The following KIAA1217 variants were observed in gnomAD, a reference collection of about 807,000 sequenced individuals.
The protein encoded by KIAA1217 is KIAA1217, also known as sickle tail protein homolog.
A neutral mutation model predicts 163.9 loss-of-function variants in KIAA1217; 88 were observed. The observed-to-expected ratio is 0.54, with a 90% confidence interval of 0.45 to 0.64. KIAA1217 has a LOEUF of 0.64. KIAA1217 is among the 30% of genes least tolerant of loss of function. The probability of loss-of-function intolerance (pLI) is 0.00; values close to 1 mark genes in which losing one functional copy is unlikely to be tolerated. For missense variants in KIAA1217, 2,372 were observed against 2,475.0 expected, an observed-to-expected ratio of 0.96 and a Z score of 0.88; for synonymous variants, 903 against 923.1, an observed-to-expected ratio of 0.98 and a Z score of 0.39.
chr10:24,172,384 G>T (rs2065672855), intron 2 of KIAA1217, among the ~76,000 whole-genome samples: 1 of 152,186 alleles, frequency 6.6e-6, no homozygotes, highest in Non-Finnish European at 1.5e-5. Flanking sequence ...AAGGGAGAAA[G>T]CATCTCAGTA....
chr10:23,851,857 GTTGT>G (rs1302069085), intron 1 of KIAA1217, among the ~76,000 whole-genome samples: 1,673 of 151,466 alleles, frequency 0.011, 29 homozygotes, highest in African/African-American at 0.039. Context: ...TTTTGATGGG[GTTGT>G]TTGTTTTTTT....
intron 2 of KIAA1217, among the ~76,000 whole-genome samples, chr10:24,192,752 C>A (rs2066785629): frequency 6.6e-6 from 1 of 152,194 alleles, no homozygotes; most frequent in Admixed American, 6.5e-5. Flanking sequence ...TACAGCAAGA[C>A]CTTGGGAAGA....
intron 1 of KIAA1217, among the ~76,000 whole-genome samples, chr10:23,874,469 G>A (rs1840593910): frequency 6.6e-6 from 1 of 151,868 alleles, no homozygotes; most frequent in Non-Finnish European, 1.5e-5. Context: ...GTTTCTCACT[G>A]CTATAGCAAA....
intron 2 of KIAA1217, among the ~76,000 whole-genome samples, chr10:24,067,381 G>T (rs1243480276): frequency 2.0e-5 from 3 of 152,186 alleles, no homozygotes; most frequent in Non-Finnish European, 4.4e-5. Flanking sequence ...CTCAGCTGCA[G>T]GTCTGTTGGA....
At chr10:23,856,859 C>T (rs372906485) in intron 1 of KIAA1217, among the ~76,000 whole-genome samples, 19 of 152,296 alleles carry the variant, frequency 1.2e-4, no homozygotes, top group East Asian at 7.7e-4. Context: ...TTAAGCCCAT[C>T]GGAAAAGCGC....
intron 2 of KIAA1217, among the ~76,000 whole-genome samples, chr10:24,247,465 A>G (rs2073953703): frequency 6.6e-6 from 1 of 152,154 alleles, no homozygotes; most frequent in Admixed American, 6.5e-5. Flanking sequence ...TCCTATTTGT[A>G]TAAAAAGCCA....
chr10:24,208,972 C>T (rs2067733121), upstream of KIAA1217: 2 of 508,790 alleles, frequency 3.9e-6, no homozygotes, highest in Non-Finnish European at 3.5e-6. Context: ...GACCTAGGGA[C>T]GGAGGGCCAG....
At chr10:23,761,512 C>T (rs957758671) in intron 1 of KIAA1217, among the ~76,000 whole-genome samples, 11 of 152,020 alleles carry the variant, frequency 7.2e-5, no homozygotes, top group South Asian at 2.1e-4. Context: ...TTCATTATTA[C>T]GGGAGTCATT....
At chr10:23,850,410 A>C (rs1839252441) in intron 1 of KIAA1217, among the ~76,000 whole-genome samples, 1 of 152,122 alleles carries the variant, frequency 6.6e-6, no homozygotes, top group Non-Finnish European at 1.5e-5. Flanking sequence ...GAGAATTTCA[A>C]AGAATGCCAG....
In KIAA1217 at chr10:24,546,109, G is replaced by T. The variant is rs1274649267; in HGVS notation, c.5617G>T (p.Gly1873Cys). Residue 1873 changes from glycine to cysteine, a missense_variant, in exon 21 of 21, where the codon GGT (glycine) becomes TGT (cysteine). Physicochemically the swap from Gly to Cys is radical, Grantham distance 159. Around this residue, in one of 3 missense-constraint regions of KIAA1217, gnomAD observed 690 missense variants for 677.5 expected, o/e 1.02. Transcript: ENST00000376454. ...TCAGAGCCTCACTCATACAGGTAAAGGTCACCATCTTTCATTCTCACCGCA... is the reference window on the plus strand; with the variant it reads ...TCAGAGCCTCACTCATACAGGTAAATGTCACCATCTTTCATTCTCACCGCA... ...KFQSLTHTGK[G>C]HHLSFSPQSQ... The T allele has an allele frequency of 1.2e-6, 2 of 1,614,096 alleles. No individual in the cohort carries two copies. The highest frequency in any genetic ancestry group is 1.7e-6 in the Non-Finnish European group (2 of 1,180,026).
At chr10:24,186,889 A>G (rs935678545) in intron 2 of KIAA1217, among the ~76,000 whole-genome samples, 12 of 151,516 alleles carry the variant, frequency 7.9e-5, no homozygotes, top group Non-Finnish European at 1.6e-4. Context: ...GACTCCGTCT[A>G]AAAAAAACAA....
intron 1 of KIAA1217, among the ~76,000 whole-genome samples, chr10:23,745,206 T>A (rs1387508444): frequency 6.6e-6 from 1 of 152,330 alleles, no homozygotes; most frequent in East Asian, 1.9e-4. Context: ...CTTTTTTCCA[T>A]GTCGATGTAT....
chr10:24,433,132 A>G lies in KIAA1217; in HGVS notation c.691A>G (p.Ser231Gly). 2 of 1,614,164 alleles carry G rather than the reference A, an allele frequency of 1.2e-6. No individual in the cohort carries two copies. The highest frequency in any genetic ancestry group is 1.7e-6 in the Non-Finnish European group (2 of 1,180,016). The change falls in exon 4 of 21, where the codon AGT becomes GGT. Residue 231 changes from serine to glycine, a missense_variant. Coordinates refer to ENST00000376454, the MANE Select transcript of KIAA1217 (RefSeq NM_019590.5). ...CACCATGAAAATGCTGGAATCGCCC[A>G]GTGTCGCCATTTACATCAAAGATGA... Reference protein sequence around the residue: ...QLTMKMLESPSVAIYIKDESR... With the variant: ...QLTMKMLESPGVAIYIKDESR...
At position 24,048,744 on chromosome 10, in the gene KIAA1217, AT is replaced by A. The variant is rs200946201; in HGVS notation, c.-171+41371del. Among the ~76,000 whole-genome samples, 902 of 125,484 alleles carry A rather than the reference AT, an allele frequency of 7.2e-3. 5 individuals carry two copies. The highest frequency in any genetic ancestry group is 0.016 in the Middle Eastern group (3 of 186). 82.3% of individuals were successfully genotyped at this position (125,484 alleles called of 152,430 possible). ...GACTCTGTCTCAAAAAAAAAAAAAA[AT>A]ATATTGGCCGGGCGCAGTGGCTCAC... On this transcript the variant is annotated intron_variant, in intron 2 of 18. Coordinates refer to the KIAA1217 transcript ENST00000376462.
chr10:24,025,287 A>T (rs1847892799), intron 2 of KIAA1217, among the ~76,000 whole-genome samples: 1 of 151,606 alleles, frequency 6.6e-6, no homozygotes, highest in African/African-American at 2.4e-5. Flanking sequence ...TTCCTCATAA[A>T]ATTTCCTTGG....
chr10:23,709,882 G>C (rs1837141844), intron 1 of KIAA1217, among the ~76,000 whole-genome samples: 1 of 152,180 alleles, frequency 6.6e-6, no homozygotes, highest in Non-Finnish European at 1.5e-5. Flanking sequence ...CACTAGCTGG[G>C]AGCTCTCTGG....
intron 1 of KIAA1217, among the ~76,000 whole-genome samples, chr10:23,715,897 C>T (rs961383105): frequency 2.0e-5 from 3 of 152,034 alleles, no homozygotes; most frequent in African/African-American, 4.8e-5. Context: ...AAGCCATGAT[C>T]TTTAAAAAAG....
intron 16 of KIAA1217, among the ~76,000 whole-genome samples, chr10:24,536,284 T>G (rs1433422683): frequency 1.3e-5 from 2 of 152,198 alleles, no homozygotes; most frequent in Non-Finnish European, 2.9e-5. Flanking sequence ...AGCGCGGTAG[T>G]ACCTGTTACT....
intron 1 of KIAA1217, among the ~76,000 whole-genome samples, chr10:23,873,427 T>A (rs1044922642): frequency 6.6e-6 from 1 of 152,050 alleles, no homozygotes; most frequent in East Asian, 1.9e-4. Flanking sequence ...TCCATGAAAA[T>A]GCCAGATGAA....
Sources: gnomAD v4.1 joint callset for allele counts (sites outside exome capture counted in the v4.1 genomes callset) on GRCh38, gnomAD v4.1.1 for gene constraint, gnomAD v4.1.1 regional missense constraint, MANE v1.5 for transcripts, NCBI Gene and HGNC (gene_info 2026-07-23, HGNC 2026-07-21) for gene names.